Variants in RPL28 observed in about 807,000 individuals in gnomAD.
RPL28 encodes large ribosomal subunit protein eL28.
In RPL28, 4 loss-of-function variants were observed where a neutral mutation model predicts 12.5. The observed-to-expected ratio is 0.32, with a 90% CI of 0.16 to 0.73. The LOEUF (loss-of-function observed/expected upper bound fraction) is 0.73. Ranked by LOEUF, RPL28 falls within the 30% of genes least tolerant of loss-of-function variation. The pLI, the probability that RPL28 is intolerant of heterozygous loss-of-function variation, is 0.66. For synonymous variants in RPL28, 91 were observed against 72.5 expected (o/e 1.26, Z -1.30); for missense variants, 214 against 197.7 (o/e 1.08, Z -0.49).
Position 55,389,819 on chromosome 19 carries a change from C to A in RPL28, c.*1487C>A. On this transcript the variant is annotated 3_prime_UTR_variant, in exon 5 of 5. Coordinates refer to ENST00000344063, the MANE Select transcript of RPL28 (RefSeq NM_000991.5). ...GTGACTTGGTACCTGCTCAGGACCC[C>A]CCGCACTGTCCCAATCCCACTCAGG... 1.0e-6 allele frequency: 1 copy of A among 984,898 alleles called. No individual in the cohort carries two copies. Among genetic ancestry groups the A allele is most frequent in the Non-Finnish European group, 1.2e-6 (1 of 829,480 alleles). 61.0% of individuals were successfully genotyped at this position (984,898 alleles called of 1,614,324 possible). A position where few individuals can be genotyped will look rare whatever the true frequency, so the allele number is the denominator to read the frequency against.
In RPL28 at chr19:55,389,538, G is replaced by A. The variant is rs1025026813; in HGVS notation, c.*1206G>A. The A allele has an allele frequency of 3.2e-4, 316 of 985,464 alleles. No homozygotes were observed. The highest frequency in any genetic ancestry group is 7.4e-4 in the Admixed American group (12 of 16,288). 61.0% of individuals were successfully genotyped at this position (985,464 alleles called of 1,614,324 possible). A position where few individuals can be genotyped will look rare whatever the true frequency, so the allele number is the denominator to read the frequency against. Reference sequence around the variant, plus strand: ...CCTGTCTGAGACCACCCCCGGCTCTGACTGAGAGTAAGGGGACTGTCAGGG... The same window carrying A: ...CCTGTCTGAGACCACCCCCGGCTCTAACTGAGAGTAAGGGGACTGTCAGGG... On this transcript the variant is annotated 3_prime_UTR_variant, in exon 5 of 5. Coordinates refer to ENST00000344063, the MANE Select transcript of RPL28 (RefSeq NM_000991.5).
chr19:55,387,074 A>T lies in RPL28; in HGVS notation c.205+381A>T, dbSNP rs2089937950. ...GGGAGGGGCCCTCGCTACCACACTT[A>T]GGAGGGGACAGGCTGGGTTGGTTGC... On this transcript the variant is annotated intron_variant, in intron 3 of 4. Coordinates refer to ENST00000344063, the MANE Select transcript of RPL28 (RefSeq NM_000991.5). The T allele has an allele frequency of 9.2e-6, 13 of 1,418,486 alleles. No individual in the cohort carries two copies. In the Admixed American group the frequency reaches 3.5e-4, roughly 38 times the overall value. The allele number at this position is 1,418,486 out of a possible 1,614,324, so 87.9% of individuals were successfully genotyped here. A position where few individuals can be genotyped will look rare whatever the true frequency, so the allele number is the denominator to read the frequency against.
At chr19:55,393,218 A>C (rs2090002242), downstream of RPL28, among the ~76,000 whole-genome samples, 2 of 147,082 alleles carry the variant, frequency 1.4e-5, no homozygotes, top group Admixed American at 6.9e-5. Context: ...GATAAATGAG[A>C]CCTGTCATCC....
Position 55,386,421 on chromosome 19 carries a change from AAGC to A in RPL28, c.67_69del (p.Gln23del). On this transcript the variant is annotated inframe_deletion, in exon 2 of 5. Coordinates refer to ENST00000344063, the MANE Select transcript of RPL28 (RefSeq NM_000991.5). ...CTCCAGTTTCCTGATCAAGAGGAAT[AAGC>A]AGACCTACAGCACTGTAAGTGGGGC... 1 of 1,614,122 alleles carries A rather than the reference AAGC, an allele frequency of 6.2e-7. No homozygotes were observed. The highest frequency in any genetic ancestry group is 8.5e-7 in the Non-Finnish European group (1 of 1,180,004).
Position 55,390,320 on chromosome 19 carries a change from T to G in RPL28, c.*1988T>G, listed in dbSNP as rs1600306463. On this transcript the variant is annotated 3_prime_UTR_variant, in exon 5 of 5. Transcript: ENST00000344063. ...CCTGGGTTCAAGCGATTCTCCTGCC[T>G]CAGCCTCCCGAGTAGCTGGGATTAC... 1 of 736,518 alleles carries G rather than the reference T, an allele frequency of 1.4e-6. No homozygotes were observed. The allele number at this position is 736,518 out of a possible 1,614,324, so 45.6% of individuals were successfully genotyped here. A position where few individuals can be genotyped will look rare whatever the true frequency, so the allele number is the denominator to read the frequency against.
downstream of RPL28, among the ~76,000 whole-genome samples, chr19:55,396,826 C>T (rs573909590): frequency 3.0e-4 from 45 of 151,386 alleles, no homozygotes; most frequent in East Asian, 5.3e-3. Context: ...GTGATCCGCC[C>T]GCCTTGGCCT....
Position 55,387,538 on chromosome 19 carries a change from T to G in RPL28, c.206-392T>G, listed in dbSNP as rs958903734. 11 of 1,431,284 alleles carry G rather than the reference T, an allele frequency of 7.7e-6. No individual in the cohort carries two copies. The African/African-American group carries it at 1.4e-4, about 19-fold the overall frequency. The allele number at this position is 1,431,284 out of a possible 1,614,324, so 88.7% of individuals were successfully genotyped here. On this transcript the variant is annotated intron_variant, in intron 3 of 4. Coordinates refer to ENST00000344063, the MANE Select transcript of RPL28 (RefSeq NM_000991.5). ...ACTGGCCTGAGTGAGGCTGGGCCTCTCAGCCAAGCTGATGTTGAACCACTG... is the reference window on the plus strand; with the variant it reads ...ACTGGCCTGAGTGAGGCTGGGCCTCGCAGCCAAGCTGATGTTGAACCACTG...
intron 4 of RPL28, chr19:55,401,800 A>G: frequency 6.2e-7 from 1 of 1,608,164 alleles, no homozygotes; most frequent in Non-Finnish European, 8.5e-7. Context: ...GGGTCGGGCA[A>G]CCTACAGGGA....
chr19:55,389,538 G>C lies in RPL28; in HGVS notation c.*1206G>C. 1 of 985,464 alleles carries C rather than the reference G, an allele frequency of 1.0e-6. No individual in the cohort carries two copies. Among genetic ancestry groups the C allele is most frequent in the Non-Finnish European group, 1.2e-6 (1 of 829,948 alleles). The allele number at this position is 985,464 out of a possible 1,614,324, so 61.0% of individuals were successfully genotyped here. ...CCTGTCTGAGACCACCCCCGGCTCT[G>C]ACTGAGAGTAAGGGGACTGTCAGGG... is the stretch of plus-strand genomic sequence containing the variant. On this transcript the variant is annotated 3_prime_UTR_variant, in exon 5 of 5. Transcript: ENST00000344063.
In RPL28 at chr19:55,391,688, G is replaced by A. The variant is rs1011720824; in HGVS notation, c.*3356G>A. ...TCGATAGACCCTACTACTCAGGGTTGATGAGAAGATTAAATGTGCAAAACC... is the reference window on the plus strand; with the variant it reads ...TCGATAGACCCTACTACTCAGGGTTAATGAGAAGATTAAATGTGCAAAACC... On this transcript the variant is annotated 3_prime_UTR_variant, in exon 5 of 5. Transcript: ENST00000344063. The A allele has an allele frequency of 5.8e-6, 9 of 1,538,710 alleles. No individual in the cohort carries two copies. Among genetic ancestry groups the A allele is most frequent in the African/African-American group, 1.4e-5 (1 of 72,882 alleles).
rs367867573 is a variant in RPL28 at position 55,386,336 on chromosome 19, C to G, written c.-8-14C>G. The G allele has an allele frequency of 1.9e-5, 30 of 1,612,236 alleles. No individual in the cohort carries two copies. Among genetic ancestry groups the G allele is most frequent in the Non-Finnish European group, 2.5e-5 (29 of 1,179,214 alleles). On this transcript the variant is annotated splice_polypyrimidine_tract_variant and intron_variant, in intron 1 of 4. Transcript: ENST00000344063. ...TCTGTGTCTGACGCTTTCCCTGTGC[C>G]CGTTTCCCCGCAGCCGCCGCCATGT...
chr19:55,390,377 G>A lies in RPL28; in HGVS notation c.*2045G>A. ...GTGTCACCACACCCAGCTCAGTATT[G>A]TATTTTTAGCAGAGATGGGGTTTCA... On this transcript the variant is annotated 3_prime_UTR_variant, in exon 5 of 5. Transcript: ENST00000344063. 1.2e-6 allele frequency: 1 copy of A among 806,556 alleles called. No homozygotes were observed. The highest frequency in any genetic ancestry group is 1.5e-6 in the Non-Finnish European group (1 of 666,770). 50.0% of individuals were successfully genotyped at this position (806,556 alleles called of 1,614,324 possible).
chr19:55,399,132 G>A (rs1020787569), intron 4 of RPL28, among the ~76,000 whole-genome samples: 6 of 151,678 alleles, frequency 4.0e-5, no homozygotes, highest in Admixed American at 3.3e-4. Context: ...GATTACAGGC[G>A]CACACTACCA....
chr19:55,395,025 C>A (rs546237434), downstream of RPL28, among the ~76,000 whole-genome samples: 1 of 152,194 alleles, frequency 6.6e-6, no homozygotes, highest in South Asian at 2.1e-4. Context: ...CTTGTATATG[C>A]ATCGAATGCC....
intron 3 of RPL28, chr19:55,387,427 C>A: frequency 6.5e-7 from 1 of 1,535,886 alleles, no homozygotes; most frequent in Non-Finnish European, 8.8e-7. Context: ...AATTGCTTGG[C>A]ACTTGGGGAC....
rs575335001 is a variant in RPL28, at chr19:55,397,709, C to T, written c.325-5234C>T. Reference sequence around the variant, plus strand: ...AATGTTTTAAACCTGTTGTGTATGTCCAAGTACATGAGAGCTGGGCATGGT... The same window carrying T: ...AATGTTTTAAACCTGTTGTGTATGTTCAAGTACATGAGAGCTGGGCATGGT... On this transcript the variant is annotated intron_variant, in intron 4 of 4. Coordinates refer to the RPL28 transcript ENST00000560055. 1.0e-3 allele frequency among the ~76,000 whole-genome samples: 151 copies of T among 150,488 alleles called. 3 individuals carry two copies. Among genetic ancestry groups the T allele is most frequent in the African/African-American group, 3.6e-3 (148 of 41,162 alleles).
At position 55,389,911 on chromosome 19, in the gene RPL28, TC is replaced by T. The variant is rs1433634881; in HGVS notation, c.*1582del. 14 of 985,444 alleles carry T rather than the reference TC, an allele frequency of 1.4e-5. No individual in the cohort carries two copies. The highest frequency in any genetic ancestry group is 1.7e-5 in the African/African-American group (1 of 57,202). 61.0% of individuals were successfully genotyped at this position (985,444 alleles called of 1,614,324 possible). A position where few individuals can be genotyped will look rare whatever the true frequency, so the allele number is the denominator to read the frequency against. On this transcript the variant is annotated 3_prime_UTR_variant, in exon 5 of 5. Coordinates refer to ENST00000344063, the MANE Select transcript of RPL28 (RefSeq NM_000991.5). ...TGCTCAGGAGCCCCCACTGTCCCAGTCCCACTCAGGCCCATCTCTGGCTGGC... is the reference window on the plus strand; with the variant it reads ...TGCTCAGGAGCCCCCACTGTCCCAGTCCACTCAGGCCCATCTCTGGCTGGC...
rs2089988890 is a variant in RPL28, at chr19:55,391,438, AGT to A, written c.*3108_*3109del. The A allele has an allele frequency of 7.6e-7, 1 of 1,319,134 alleles. No homozygotes were observed. The highest frequency in any genetic ancestry group is 9.7e-7 in the Non-Finnish European group (1 of 1,028,288). 81.7% of individuals were successfully genotyped at this position (1,319,134 alleles called of 1,614,324 possible). On this transcript the variant is annotated 3_prime_UTR_variant, in exon 5 of 5. Transcript: ENST00000344063. The stretch of plus-strand genomic sequence containing the variant: ...CTCTTAGTCCAGTAGCTGCATGGTG[AGT>A]GAGCGTAGGGCGCACCCTGGAAGGC...
chr19:55,386,009 C>T (rs1189669840), intron 1 of RPL28, 44 bp downstream of exon 1: 2 of 277,088 alleles, frequency 7.2e-6, no homozygotes, highest in Admixed American at 9.2e-5. Flanking sequence ...TCCGGCCCGC[C>T]GCGCACTCCC....
Sources: gnomAD v4.1 joint callset for allele counts (sites outside exome capture counted in the v4.1 genomes callset) on GRCh38, gnomAD v4.1.1 for gene constraint, MANE v1.5 for transcripts, NCBI Gene and HGNC (gene_info 2026-07-23, HGNC 2026-07-21) for gene names.